Variants in SPTBN4 observed in about 807,000 individuals in gnomAD.
SPTBN4 encodes the protein spectrin beta, non-erythrocytic 4.
SPTBN4 carries 96 observed loss-of-function variants against 277.8 expected under a neutral mutation model. The ratio of observed to expected loss-of-function variants is 0.35; its 90% CI spans 0.29 to 0.41. The LOEUF (loss-of-function observed/expected upper bound fraction) is 0.41. SPTBN4 is among the 10% of genes least tolerant of loss of function. SPTBN4 has a pLI of 1.00. For synonymous variants in SPTBN4, 1,481 were observed against 1,580.3 expected, an observed-to-expected ratio of 0.94 and a Z score of 1.49; for missense variants, 3,006 against 3,595.7, an observed-to-expected ratio of 0.84 and a Z score of 4.19.
Position 40,494,915 on chromosome 19 carries a change from C to T in SPTBN4, c.606C>T (p.Ile202=). 1 of 1,614,140 alleles carries T rather than the reference C, an allele frequency of 6.2e-7. No individual in the cohort carries two copies. The highest frequency in any genetic ancestry group is 8.5e-7 in the Non-Finnish European group (1 of 1,180,014). ...MKTAGYPEVN[I]QNFTTSWRDG... ...CTTCCAGTTACCCTGAGGTAAACATCCAGAATTTCACCACCAGCTGGCGGG... is the reference window on the plus strand; with the variant it reads ...CTTCCAGTTACCCTGAGGTAAACATTCAGAATTTCACCACCAGCTGGCGGG... Residue 202 remains isoleucine, a synonymous_variant, in exon 6 of 36, where the codon ATC becomes ATT. Transcript: ENST00000598249.
intron 22 of SPTBN4, among the ~76,000 whole-genome samples, chr19:40,553,777 T>A (rs2080944375): frequency 6.6e-6 from 1 of 152,160 alleles, no homozygotes; most frequent in Admixed American, 6.5e-5. Context: ...CGTATACAAA[T>A]GATACCTCGG....
intron 13 of SPTBN4, among the ~76,000 whole-genome samples, chr19:40,511,303 G>C (rs1404491552): frequency 6.6e-6 from 1 of 152,000 alleles, no homozygotes; most frequent in Non-Finnish European, 1.5e-5. Flanking sequence ...AACTACTCTG[G>C]AGGCTGAGGC....
At chr19:40,567,432 A>T (rs893905757) in intron 30 of SPTBN4, among the ~76,000 whole-genome samples, 12 of 152,282 alleles carry the variant, frequency 7.9e-5, no homozygotes, top group South Asian at 2.1e-4. Flanking sequence ...CCCAATTTTT[A>T]AAAAAGTGAT....
intron 2 of SPTBN4, among the ~76,000 whole-genome samples, chr19:40,487,408 C>T (rs1314337750): frequency 2.0e-5 from 3 of 149,198 alleles, no homozygotes; most frequent in African/African-American, 7.5e-5. Context: ...TGCAGTGATG[C>T]GATCTTGGCT....
intron 14 of SPTBN4, among the ~76,000 whole-genome samples, chr19:40,514,784 G>C (rs2080435006): frequency 6.6e-6 from 1 of 152,204 alleles, no homozygotes; most frequent in South Asian, 2.1e-4. Flanking sequence ...TCAGGGTGGA[G>C]TTGCTGCTGA....
chr19:40,476,456 A>T (rs1651248899), intron 2 of SPTBN4, among the ~76,000 whole-genome samples: 1 of 152,140 alleles, frequency 6.6e-6, no homozygotes, highest in Non-Finnish European at 1.5e-5. Flanking sequence ...ACCTAGACTG[A>T]TGAAAACATA....
At chr19:40,540,218 T>C (rs1410843651) in intron 20 of SPTBN4, among the ~76,000 whole-genome samples, 1 of 152,030 alleles carries the variant, frequency 6.6e-6, no homozygotes, top group Admixed American at 6.5e-5. Flanking sequence ...TGAACCACCG[T>C]GCCTGGCCAG....
chr19:40,541,136 T>C lies in SPTBN4; in HGVS notation c.4359+6793T>C, dbSNP rs1002306199. Among the ~76,000 whole-genome samples the C allele has an allele frequency of 1.6e-4, 25 of 152,316 alleles. No homozygotes were observed. In the East Asian group the frequency reaches 1.7e-3, roughly 11 times the overall value. On this transcript the variant is annotated intron_variant, in intron 20 of 35. Coordinates refer to ENST00000598249, the MANE Select transcript of SPTBN4 (RefSeq NM_020971.3). ...AGCTTGACCATCTTTGACCTTCTTT[T>C]GTACTATTTAGGTTTTAGAGGAAGG...
Position 40,472,751 on chromosome 19 carries a change from G to C in SPTBN4, c.130G>C (p.Ala44Pro), listed in dbSNP as rs2079900660. Residue 44 changes from alanine to proline, a missense_variant, in exon 2 of 36, where the codon GCC becomes CCC. Around this residue, in one of 5 missense-constraint regions of SPTBN4, gnomAD observed 78 missense variants for 65.7 expected, o/e 1.19. Transcript: ENST00000598249. Reference sequence around the variant, plus strand: ...GCAGCCGGCTGCGTCCACCGCAGCGGCCTCGCTCTTTGAGTGCTCCCGGAT... The same window carrying C: ...GCAGCCGGCTGCGTCCACCGCAGCGCCCTCGCTCTTTGAGTGCTCCCGGAT... ...REQPAASTAA[A>P]SLFECSRIKA... 6.2e-7 allele frequency: 1 copy of C among 1,600,802 alleles called. No homozygotes were observed. Among genetic ancestry groups the C allele is most frequent in the Non-Finnish European group, 8.5e-7 (1 of 1,173,250 alleles).
At chr19:40,500,337 C>T (rs1436979009) in intron 7 of SPTBN4, among the ~76,000 whole-genome samples, 2 of 152,156 alleles carry the variant, frequency 1.3e-5, no homozygotes, top group African/African-American at 4.8e-5. Context: ...GAAACTGAGG[C>T]TTAGAGAAGC....
At chr19:40,544,439 G>A (rs1256661446) in intron 20 of SPTBN4, among the ~76,000 whole-genome samples, 2 of 71,292 alleles carry the variant, frequency 2.8e-5, no homozygotes, top group East Asian at 2.4e-4. Context: ...ATTGTGCCCG[G>A]CTTTTTTTTT....
chr19:40,474,728 C>T (rs1299434360), intron 2 of SPTBN4, among the ~76,000 whole-genome samples: 1 of 151,892 alleles, frequency 6.6e-6, no homozygotes, highest in Admixed American at 6.6e-5. Flanking sequence ...GGTGACACTA[C>T]TAAAAATACA....
intron 4 of SPTBN4, among the ~76,000 whole-genome samples, chr19:40,491,427 G>C (rs1023887465): frequency 3.3e-5 from 5 of 151,996 alleles, no homozygotes; most frequent in African/African-American, 1.2e-4. Flanking sequence ...ATCAAGGGGA[G>C]GTGCATACAA....
intron 22 of SPTBN4, among the ~76,000 whole-genome samples, chr19:40,550,879 G>A (rs2080911174): frequency 6.6e-6 from 1 of 152,150 alleles, no homozygotes; most frequent in Admixed American, 6.5e-5. Flanking sequence ...GTGATAAAAG[G>A]CCTCCAGTGG....
chr19:40,486,274 T>C (rs2145821510), intron 2 of SPTBN4, among the ~76,000 whole-genome samples: 1 of 151,636 alleles, frequency 6.6e-6, no homozygotes, highest in South Asian at 2.1e-4. Flanking sequence ...CTGGGCAACG[T>C]AGTGAGACCC....
chr19:40,544,437 C>T (rs1347669235), intron 20 of SPTBN4, among the ~76,000 whole-genome samples: 3 of 113,726 alleles, frequency 2.6e-5, no homozygotes, highest in African/African-American at 7.4e-5. Context: ...CCATTGTGCC[C>T]GGCTTTTTTT....
chr19:40,494,004 C>T (rs1483733257), intron 5 of SPTBN4, among the ~76,000 whole-genome samples: 4 of 152,190 alleles, frequency 2.6e-5, no homozygotes, highest in Admixed American at 1.3e-4. Context: ...AGTCCTTGGT[C>T]GCTTCAGTGT....
chr19:40,551,556 T>C (rs1251944529), intron 22 of SPTBN4, among the ~76,000 whole-genome samples: 1 of 152,214 alleles, frequency 6.6e-6, no homozygotes, highest in African/African-American at 2.4e-5. Context: ...TCTGAATCTG[T>C]TCATTCCTCT....
intron 12 of SPTBN4, among the ~76,000 whole-genome samples, chr19:40,505,382 CAAA>C (rs1209780246): frequency 0.017 from 946 of 55,832 alleles, 8 homozygotes; most frequent in African/African-American, 0.052. Flanking sequence ...GACCCTGTCT[CAAA>C]AAAAAAAAAA....
Sources: allele counts gnomAD v4.1 joint callset (sites outside exome capture counted in the v4.1 genomes callset), GRCh38; gene constraint gnomAD v4.1.1; regional missense constraint gnomAD v4.1.1; transcripts MANE v1.5; gene names NCBI Gene and HGNC (gene_info 2026-07-23, HGNC 2026-07-21).